WHRN: variants seen among roughly 807,000 people sequenced by gnomAD.
WHRN encodes the protein CASK-interacting protein CIP98.
In WHRN, 41 loss-of-function variants were observed where a neutral mutation model predicts 68.3. The ratio of observed to expected loss-of-function variants is 0.60; its 90% CI spans 0.47 to 0.78. The LOEUF is 0.78. Among genes scored for constraint, WHRN ranks in the 30% least tolerant of loss-of-function variants. The pLI is 0.00. For synonymous variants in WHRN, 560 were observed against 561.3 expected, an observed-to-expected ratio of 1.00 and a Z score of 0.03; for missense variants, 1,243 against 1,244.7, an observed-to-expected ratio of 1.00 and a Z score of 0.02.
rs141863996 is a variant in WHRN at position 114,478,647 on chromosome 9, G to A, written c.743C>T (p.Ser248Leu). 66 of 1,613,500 alleles carry A rather than the reference G, an allele frequency of 4.1e-5. No individual in the cohort carries two copies. Among genetic ancestry groups the A allele is most frequent in the Non-Finnish European group, 5.1e-5 (60 of 1,179,940 alleles). Residue 248 changes from serine to leucine, a missense_variant, in exon 2 of 12, where the codon TCG becomes TTG. By Grantham distance (145) the Ser-to-Leu change is moderately radical (BLOSUM62 -2). Coordinates refer to ENST00000362057, the MANE Select transcript of WHRN (RefSeq NM_015404.4). ...DPQGRSISPPSGLPQPHGGAL... is the reference protein window; with the variant it reads ...DPQGRSISPPLGLPQPHGGAL... ...ACCACCGTGGGGCTGGGGCAGGCCC[G>A]AGGGTGGGGAGATGCTGCGGCCCTG...
Position 114,504,677 on chromosome 9 carries a change from A to G in WHRN, c.125T>C (p.Leu42Pro), listed in dbSNP as rs751971870. ...LRLLSANVRQ[L>P]HQALTALLSE... ...CAGCAGCGCGGTCAGCGCTTGGTGCAGCTGGCGCACGTTGGCAGACAGTAA... is the reference window on the plus strand; with the variant it reads ...CAGCAGCGCGGTCAGCGCTTGGTGCGGCTGGCGCACGTTGGCAGACAGTAA... The change falls in exon 1 of 12, where the codon CTG (leucine) becomes CCG (proline). Residue 42 changes from leucine (L) to proline (P), a missense_variant. By Grantham distance (98) the Leu-to-Pro change is moderately conservative (BLOSUM62 -3). Transcript: ENST00000362057. 4 of 1,600,436 alleles carry G rather than the reference A, an allele frequency of 2.5e-6. No individual in the cohort carries two copies. The highest frequency in any genetic ancestry group is 3.4e-6 in the Non-Finnish European group (4 of 1,176,636).
intron 7 of WHRN, among the ~76,000 whole-genome samples, chr9:114,413,300 A>C (rs936486831): frequency 5.3e-5 from 8 of 152,242 alleles, no homozygotes; most frequent in Admixed American, 1.3e-4. Context: ...GAAACTGAAG[A>C]AGCAAAGAAA....
At chr9:114,463,872 T>G (rs1840445420) in intron 3 of WHRN, among the ~76,000 whole-genome samples, 1 of 152,108 alleles carries the variant, frequency 6.6e-6, no homozygotes. Context: ...GCTGGCCTGG[T>G]TATGGGCACA....
intron 1 of WHRN, among the ~76,000 whole-genome samples, chr9:114,490,561 T>C (rs889949114): frequency 5.5e-3 from 43 of 7,784 alleles, no homozygotes; most frequent in Admixed American, 0.045. Context: ...GTTCATTCCT[T>C]CCACCCTCTT....
intron 3 of WHRN, among the ~76,000 whole-genome samples, chr9:114,444,757 G>A (rs1007058583): frequency 6.6e-6 from 1 of 151,210 alleles, no homozygotes; most frequent in Non-Finnish European, 1.5e-5. Context: ...ATTTTGCAAA[G>A]GTCTTTCTCA....
At chr9:114,429,214 A>G (rs1401413661) in intron 3 of WHRN, among the ~76,000 whole-genome samples, 2 of 152,218 alleles carry the variant, frequency 1.3e-5, no homozygotes, top group Non-Finnish European at 2.9e-5. Flanking sequence ...TACAGGCGTG[A>G]GCCACCGCGC....
rs541089621 is a variant in WHRN at position 114,478,983 on chromosome 9, G to C, written c.619-212C>G. 5.3e-5 allele frequency among the ~76,000 whole-genome samples: 8 copies of C among 152,272 alleles called. No individual in the cohort carries two copies. In the East Asian group the frequency reaches 1.5e-3, roughly 29 times the overall value. On this transcript the variant is annotated intron_variant, in intron 1 of 11. Coordinates refer to ENST00000362057, the MANE Select transcript of WHRN (RefSeq NM_015404.4). ...CCATCCTGAAGTGGTCCAAATACAAGAAATATGATCTTTTAGGATACCTCT... is the reference window on the plus strand; with the variant it reads ...CCATCCTGAAGTGGTCCAAATACAACAAATATGATCTTTTAGGATACCTCT...
At chr9:114,427,433 G>A (rs565101282) in intron 3 of WHRN, among the ~76,000 whole-genome samples, 2 of 152,184 alleles carry the variant, frequency 1.3e-5, no homozygotes, top group Middle Eastern at 3.4e-3. Flanking sequence ...GGTCAACTGA[G>A]GTCCAAGGAC....
intron 4 of WHRN, 156 bp from the exon 5 acceptor site, chr9:114,425,180 G>T: frequency 1.3e-6 from 1 of 799,198 alleles, no homozygotes; most frequent in South Asian, 1.4e-5. Context: ...GGGCTACTCA[G>T]GGGTAAAGGA....
intron 4 of WHRN, 185 bp downstream of exon 4, chr9:114,426,026 T>C: frequency 1.4e-6 from 1 of 713,962 alleles, no homozygotes; most frequent in South Asian, 1.6e-5. Flanking sequence ...CAGCTTTCCA[T>C]GGGGAAACTG....
intron 1 of WHRN, among the ~76,000 whole-genome samples, chr9:114,488,438 C>T (rs1842711026): frequency 6.6e-6 from 1 of 152,132 alleles, no homozygotes; most frequent in African/African-American, 2.4e-5. Flanking sequence ...AAAGGCAGGG[C>T]TTTTATACCT....
At chr9:114,491,543 C>T (rs758344212) in intron 1 of WHRN, 43 of 171,150 alleles carry the variant, frequency 2.5e-4, no homozygotes, top group Non-Finnish European at 4.7e-4. Flanking sequence ...GGAGGCAGGT[C>T]GGAGCCGCTG....
At chr9:114,414,443 A>AGCCT (rs1564123763) in intron 7 of WHRN, among the ~76,000 whole-genome samples, 1 of 152,232 alleles carries the variant, frequency 6.6e-6, no homozygotes, top group Non-Finnish European at 1.5e-5. Flanking sequence ...GCACTTCACC[A>AGCCT]GCCTGCCAGA....
chr9:114,504,167 C>A lies in WHRN; in HGVS notation c.618+17G>T. 4.3e-6 allele frequency: 7 copies of A among 1,614,066 alleles called. No homozygotes were observed. The highest frequency in any genetic ancestry group is 4.2e-6 in the Non-Finnish European group (5 of 1,180,042). On this transcript the variant is annotated intron_variant, in intron 1 of 11. Coordinates refer to ENST00000362057, the MANE Select transcript of WHRN (RefSeq NM_015404.4). ...GTCCATACTCTGCCCCAGACTCTCT[C>A]CAAACCACAGCCTTACCTTGACGGC...
At chr9:114,500,179 T>C (rs1042844344) in intron 1 of WHRN, among the ~76,000 whole-genome samples, 5 of 152,190 alleles carry the variant, frequency 3.3e-5, no homozygotes, top group Admixed American at 1.3e-4. Context: ...AATGGGCTTA[T>C]TAATAAGTGA....
At chr9:114,460,369 T>C (rs1018318184) in intron 3 of WHRN, among the ~76,000 whole-genome samples, 1 of 152,242 alleles carries the variant, frequency 6.6e-6, no homozygotes, top group Non-Finnish European at 1.5e-5. Flanking sequence ...GGGCTACCGG[T>C]AGGATGAAAT....
intron 1 of WHRN, among the ~76,000 whole-genome samples, chr9:114,492,286 A>G (rs528473318): frequency 6.6e-6 from 1 of 152,322 alleles, no homozygotes; most frequent in South Asian, 2.1e-4. Flanking sequence ...CTAGAAAGAC[A>G]GCCCAAGGAA....
chr9:114,469,535 G>A (rs1012626353), intron 2 of WHRN, among the ~76,000 whole-genome samples: 2 of 152,188 alleles, frequency 1.3e-5, no homozygotes, highest in Admixed American at 1.3e-4. Context: ...CTCCCTGGAG[G>A]CAGCTCTGTG....
Position 114,402,587 on chromosome 9 carries a change from C to A in WHRN, c.*167G>T. 1 of 866,596 alleles carries A rather than the reference C, an allele frequency of 1.2e-6. No homozygotes were observed. The highest frequency in any genetic ancestry group is 1.4e-5 in the South Asian group (1 of 69,314). 53.7% of individuals were successfully genotyped at this position (866,596 alleles called of 1,614,324 possible). A position where few individuals can be genotyped will look rare whatever the true frequency, so the allele number is the denominator to read the frequency against. On this transcript the variant is annotated 3_prime_UTR_variant, in exon 12 of 12. Coordinates refer to ENST00000362057, the MANE Select transcript of WHRN (RefSeq NM_015404.4). Reference sequence around the variant, plus strand: ...GACCTTCTGTCTGCCTTGTCCTGCTCTCTTCCTCTCCCAGTTCTGGTCCAG... The same window carrying A: ...GACCTTCTGTCTGCCTTGTCCTGCTATCTTCCTCTCCCAGTTCTGGTCCAG...
Sources: allele counts gnomAD v4.1 joint callset (sites outside exome capture counted in the v4.1 genomes callset), GRCh38; gene constraint gnomAD v4.1.1; transcripts MANE v1.5; gene names NCBI Gene and HGNC (gene_info 2026-07-23, HGNC 2026-07-21).